Variants in IFRD1 observed in about 807,000 individuals in gnomAD.
The protein encoded by IFRD1 is interferon-related developmental regulator 1.
Under a neutral mutation model 52.9 loss-of-function variants are expected in IFRD1, and 35 were observed. The ratio of observed to expected loss-of-function variants is 0.66; its 90% CI spans 0.51 to 0.88. IFRD1 has a LOEUF of 0.88. IFRD1 is among the 40% of genes least tolerant of loss of function. The pLI is 0.00. For missense variants in IFRD1, 517 were observed against 550.8 expected, an observed-to-expected ratio of 0.94 and a Z score of 0.61; for synonymous variants, 184 against 188.4, an observed-to-expected ratio of 0.98 and a Z score of 0.19.
chr7:112,468,184 T>A (rs1278150255), intron 9 of IFRD1, 69 bp downstream of exon 9: 4 of 1,478,252 alleles, frequency 2.7e-6, no homozygotes, highest in Non-Finnish European at 3.8e-6. Context: ...AACTTGACAA[T>A]TGTACCATTT....
chr7:112,456,987 C>G lies in IFRD1; in HGVS notation c.358C>G (p.Leu120Val). 6.2e-7 allele frequency: 1 copy of G among 1,613,744 alleles called. No individual in the cohort carries two copies. The highest frequency in any genetic ancestry group is 8.5e-7 in the Non-Finnish European group (1 of 1,179,746). Residue 120 changes from leucine to valine, a missense_variant, in exon 4 of 12, where the codon CTG becomes GTG. Leu to Val is a conservative substitution (Grantham distance 32). Transcript: ENST00000403825. ...LASKMLYEFI[L>V]ERRMTLTDSI... The stretch of plus-strand genomic sequence containing the variant: ...TTCAAAAATGCTGTATGAATTTATT[C>G]TGGAAAGGAGAATGACTTTAACTGA...
At chr7:112,445,062 CT>C (rs3057810) in intron 1 of IFRD1, among the ~76,000 whole-genome samples, 41,354 of 102,634 alleles carry the variant, frequency 0.4, 6,341 homozygotes, top group Non-Finnish European at 0.49. Flanking sequence ...CCTAGGCTTT[CT>C]TTTTTTTTTT....
Position 112,461,891 on chromosome 7 carries a change from G to C in IFRD1, c.593G>C (p.Cys198Ser). 6.2e-7 allele frequency: 1 copy of C among 1,603,018 alleles called. No individual in the cohort carries two copies. Among genetic ancestry groups the C allele is most frequent in the East Asian group, 2.2e-5 (1 of 44,740 alleles). Residue 198 changes from cysteine (C) to serine (S), a missense_variant, in exon 6 of 12, where the codon TGT becomes TCT. Coordinates refer to ENST00000403825, the MANE Select transcript of IFRD1 (RefSeq NM_001550.4). ...QTCATCFGVCCFIATDDITEL... is the reference protein window; with the variant it reads ...QTCATCFGVCSFIATDDITEL... ...TGTGCAACTTGCTTTGGTGTTTGCT[G>C]TTTTATTGCCACAGATGACATTACT...
At chr7:112,459,572 T>C (rs1441649113) in intron 5 of IFRD1, among the ~76,000 whole-genome samples, 1 of 152,194 alleles carries the variant, frequency 6.6e-6, no homozygotes, top group Admixed American at 6.5e-5. Context: ...TTAATACTTT[T>C]AATATTTATT....
Position 112,462,299 on chromosome 7 carries a change from C to G in IFRD1, c.827C>G (p.Ser276Cys), listed in dbSNP as rs1380955120. 1 of 1,613,612 alleles carries G rather than the reference C, an allele frequency of 6.2e-7. No individual in the cohort carries two copies. Among genetic ancestry groups the G allele is most frequent in the Non-Finnish European group, 8.5e-7 (1 of 1,179,762 alleles). The change falls in exon 8 of 12, where the codon TCT (serine) becomes TGT (cysteine). Residue 276 changes from serine to cysteine, a missense_variant. Coordinates refer to ENST00000403825, the MANE Select transcript of IFRD1 (RefSeq NM_001550.4). ...TTCCATAAGCTTCCAAGCCTCCTCT[C>G]TTGTGATGATGTAAACATGAGAATA... ...MHFHKLPSLL[S>C]CDDVNMRIAA...
At chr7:112,436,836 A>G (rs1390999587) in intron 1 of IFRD1, among the ~76,000 whole-genome samples, 1 of 152,164 alleles carries the variant, frequency 6.6e-6, no homozygotes, top group African/African-American at 2.4e-5. Context: ...ATACTTGATT[A>G]AGGTCTTATA....
intron 11 of IFRD1, among the ~76,000 whole-genome samples, chr7:112,473,070 A>G (rs73717569): frequency 0.018 from 2,470 of 140,100 alleles, 76 homozygotes; most frequent in African/African-American, 0.066. Flanking sequence ...GTGTGTGTAT[A>G]TATGTGTCAG....
chr7:112,475,769 A>G lies in IFRD1; in HGVS notation c.*250A>G, dbSNP rs1795885785. ...TCATAATTTATTTATGAAGACAGCAAAAGACTGATTTCATGATGGGGAAAA... is the reference window on the plus strand; with the variant it reads ...TCATAATTTATTTATGAAGACAGCAGAAGACTGATTTCATGATGGGGAAAA... On this transcript the variant is annotated 3_prime_UTR_variant, in exon 12 of 12. Transcript: ENST00000403825. 2.4e-6 allele frequency: 1 copy of G among 421,316 alleles called. No homozygotes were observed. Among genetic ancestry groups the G allele is most frequent in the Non-Finnish European group, 4.2e-6 (1 of 236,128 alleles). 26.1% of individuals were successfully genotyped at this position (421,316 alleles called of 1,614,324 possible).
chr7:112,475,459 T>C lies in IFRD1; in HGVS notation c.1296T>C (p.Ala432=). ...RHLYNSAAFK[A]RTKARSKCRD... is the part of the protein sequence containing the mutation. ...TATATAACTCTGCAGCCTTCAAAGC[T>C]CGAACCAAAGCTAGAAGCAAATGTC... Residue 432 remains alanine (A), a synonymous_variant, in exon 12 of 12, where the codon GCT becomes GCC. Transcript: ENST00000403825. 1 of 1,612,410 alleles carries C rather than the reference T, an allele frequency of 6.2e-7. No homozygotes were observed. Among genetic ancestry groups the C allele is most frequent in the Non-Finnish European group, 8.5e-7 (1 of 1,178,744 alleles).
intron 11 of IFRD1, among the ~76,000 whole-genome samples, chr7:112,475,096 C>G (rs1009716452): frequency 6.6e-6 from 1 of 151,706 alleles, no homozygotes; most frequent in Non-Finnish European, 1.5e-5. Flanking sequence ...GTAGCTGGGA[C>G]TACAGGCATG....
chr7:112,461,852 A>AT lies in IFRD1; in HGVS notation c.568-3dup, dbSNP rs61603869. 2,101 of 1,180,932 alleles carry AT rather than the reference A, an allele frequency of 1.8e-3. No homozygotes were observed. Among genetic ancestry groups the AT allele is most frequent in the East Asian group, 4.7e-3 (149 of 31,584 alleles). 73.2% of individuals were successfully genotyped at this position (1,180,932 alleles called of 1,614,324 possible). ...AAATCATTAATGTCTATATATATATATTTTTTTTTTTAGTGTGCAACTTGC... is the reference window on the plus strand; with the variant it reads ...AAATCATTAATGTCTATATATATATATTTTTTTTTTTTAGTGTGCAACTTGC... On this transcript the variant is annotated splice_polypyrimidine_tract_variant and intron_variant, in intron 5 of 11. Transcript: ENST00000403825.
At chr7:112,444,157 TACCCTGTTAAC>T (rs1794964079) in intron 1 of IFRD1, among the ~76,000 whole-genome samples, 1 of 152,340 alleles carries the variant, frequency 6.6e-6, no homozygotes, top group African/African-American at 2.4e-5. Context: ...TGGCTCACAG[TACCCTGTTAAC>T]ACAGTCTCAT....
intron 1 of IFRD1, chr7:112,435,655 T>TGTGTGTGTGTGC (rs775779479): frequency 6.7e-6 from 1 of 149,142 alleles, no homozygotes; most frequent in African/African-American, 2.5e-5. Context: ...TGTGTGTGTG[T>TGTGTGTGTGTGC]GCGTGCTTGT....
chr7:112,473,032 G>A (rs936051314), intron 11 of IFRD1, among the ~76,000 whole-genome samples, 171 bp downstream of exon 11: 1 of 50,248 alleles, frequency 2.0e-5, no homozygotes, highest in African/African-American at 5.2e-5. Context: ...TGGGGGGCGT[G>A]TGTGTGTGTG....
intron 8 of IFRD1, among the ~76,000 whole-genome samples, chr7:112,466,893 G>T (rs2117323030): frequency 6.6e-6 from 1 of 152,172 alleles, no homozygotes; most frequent in South Asian, 2.1e-4. Flanking sequence ...ACACAGTTTG[G>T]TCTATTTTAA....
intron 1 of IFRD1, among the ~76,000 whole-genome samples, chr7:112,443,274 C>T (rs191635916): frequency 1.1e-3 from 163 of 152,212 alleles, no homozygotes; most frequent in African/African-American, 3.0e-3. Context: ...TACTACCACA[C>T]GGAGAAAGCT....
intron 8 of IFRD1, chr7:112,467,347 AAC>A (rs1199997205): frequency 6.6e-6 from 1 of 152,364 alleles, no homozygotes; most frequent in Non-Finnish European, 1.5e-5. Context: ...AGGAAATAAA[AAC>A]ACCTCAAATA....
chr7:112,465,958 T>C (rs1295072803), intron 8 of IFRD1, among the ~76,000 whole-genome samples: 2 of 152,178 alleles, frequency 1.3e-5, no homozygotes, highest in African/African-American at 2.4e-5. Context: ...TTGGGTATTT[T>C]CTTTTTTTTC....
intron 3 of IFRD1, among the ~76,000 whole-genome samples, chr7:112,456,352 A>T (rs933271785): frequency 2.0e-5 from 3 of 152,222 alleles, no homozygotes; most frequent in African/African-American, 7.2e-5. Flanking sequence ...GCATAATAGC[A>T]CATACATAGC....
Sources: allele counts gnomAD v4.1 joint callset (sites outside exome capture counted in the v4.1 genomes callset), GRCh38; gene constraint gnomAD v4.1.1; transcripts MANE v1.5; gene names NCBI Gene and HGNC (gene_info 2026-07-23, HGNC 2026-07-21).